The following IL1RAPL1 variants were observed in gnomAD, a reference collection of about 807,000 sequenced individuals.
The protein encoded by IL1RAPL1 is interleukin 1 receptor accessory protein like 1, also known as interleukin-1 receptor accessory protein-like 1.
A neutral mutation model predicts 48.4 loss-of-function variants in IL1RAPL1; 3 were observed. That is an observed-to-expected ratio of 0.06 (90% CI 0.03 to 0.16). The LOEUF (loss-of-function observed/expected upper bound fraction) is 0.16, where lower values mean the gene tolerates loss of function less well. Ranked by LOEUF, IL1RAPL1 falls within the 10% of genes least tolerant of loss-of-function variation. The pLI is 1.00. For missense variants in IL1RAPL1, 349 were observed against 530.6 expected (o/e 0.66, Z 3.36); for synonymous variants, 185 against 187.7 (o/e 0.99, Z 0.12).
chrX:29,682,178 T>C (rs1275414862), intron 6 of IL1RAPL1, among the ~76,000 whole-genome samples: 1 of 111,921 alleles, frequency 8.9e-6, no homozygotes, highest in East Asian at 2.8e-4. Flanking sequence ...GAGATATTTA[T>C]ATTGAGTAAA....
intron 2 of IL1RAPL1, among the ~76,000 whole-genome samples, chrX:29,081,576 A>C (rs749244867): frequency 1.2e-4 from 13 of 111,721 alleles, no homozygotes; most frequent in Non-Finnish European, 2.3e-4. Flanking sequence ...AGTACCAGTA[A>C]GGTTTTTCTT....
chrX:29,930,161 G>A (rs1002166097), intron 8 of IL1RAPL1, among the ~76,000 whole-genome samples: 1 of 112,037 alleles, frequency 8.9e-6, no homozygotes, highest in Non-Finnish European at 1.9e-5. Flanking sequence ...TTGACTCCAC[G>A]TTTTATGTGA....
At chrX:29,754,022 C>A (rs1426801999) in intron 6 of IL1RAPL1, among the ~76,000 whole-genome samples, 1 of 111,726 alleles carries the variant, frequency 9.0e-6, no homozygotes, top group Non-Finnish European at 1.9e-5. Context: ...GTCTCTTTGG[C>A]TGTTTCTCTG....
intron 6 of IL1RAPL1, among the ~76,000 whole-genome samples, chrX:29,801,338 C>A (rs911401813): frequency 2.7e-5 from 3 of 111,279 alleles, no homozygotes; most frequent in Non-Finnish European, 5.6e-5. Context: ...GTTTGGAGGG[C>A]ATGATTTTTA....
At chrX:29,610,089 A>G (rs551903217) in intron 5 of IL1RAPL1, among the ~76,000 whole-genome samples, 19 of 112,103 alleles carry the variant, frequency 1.7e-4, no homozygotes, top group Admixed American at 4.8e-4. Flanking sequence ...CTAGTGAGAG[A>G]GAGGTAATTC....
intron 2 of IL1RAPL1, among the ~76,000 whole-genome samples, chrX:28,818,896 G>A (rs1201429106): frequency 9.0e-6 from 1 of 110,689 alleles, no homozygotes; most frequent in South Asian, 3.7e-4. Flanking sequence ...TTACAGAACA[G>A]GTATTTGTGA....
intron 2 of IL1RAPL1, among the ~76,000 whole-genome samples, chrX:28,925,451 A>G (rs1923717336): frequency 9.0e-6 from 1 of 111,470 alleles, no homozygotes; most frequent in South Asian, 3.7e-4. Context: ...GTGGTGGGTG[A>G]GAGAGTGGAG....
intron 3 of IL1RAPL1, among the ~76,000 whole-genome samples, chrX:29,367,162 G>C (rs1407298152): frequency 1.8e-5 from 2 of 111,265 alleles, no homozygotes; most frequent in Non-Finnish European, 3.8e-5. Context: ...GCAATTCCCT[G>C]TTGTAATTTG....
chrX:29,727,640 A>G (rs1927808725), intron 6 of IL1RAPL1, among the ~76,000 whole-genome samples: 1 of 111,474 alleles, frequency 9.0e-6, no homozygotes, highest in Non-Finnish European at 1.9e-5. Flanking sequence ...ATTTCTTTTG[A>G]CTGACCATAC....
chrX:29,600,596 G>C lies in IL1RAPL1; in HGVS notation c.704-67834G>C, dbSNP rs1020463842. ...TGGAGACACGTGGTTAAGTATTCAGGTTTTTCAGGCGGTGGGCAGGGCCAT... is the reference window on the plus strand; with the variant it reads ...TGGAGACACGTGGTTAAGTATTCAGCTTTTTCAGGCGGTGGGCAGGGCCAT... On this transcript the variant is annotated intron_variant, in intron 5 of 10. Coordinates refer to ENST00000378993, the MANE Select transcript of IL1RAPL1 (RefSeq NM_014271.4). Among the ~76,000 whole-genome samples, 3 of 111,453 alleles carry C rather than the reference G, an allele frequency of 2.7e-5. No individual in the cohort carries two copies. In the Admixed American group the frequency reaches 2.9e-4, roughly 11 times the overall value.
At chrX:28,910,691 A>C (rs1923338498) in intron 2 of IL1RAPL1, among the ~76,000 whole-genome samples, 1 of 109,704 alleles carries the variant, frequency 9.1e-6, no homozygotes, top group African/African-American at 3.3e-5. Flanking sequence ...ACTAATATAG[A>C]TAATGGTTGC....
intron 6 of IL1RAPL1, among the ~76,000 whole-genome samples, chrX:29,897,374 G>A (rs998671553): frequency 8.0e-5 from 9 of 111,827 alleles, no homozygotes; most frequent in Non-Finnish European, 1.3e-4. Flanking sequence ...AAAATAAAAT[G>A]ATCTCTCAGA....
chrX:29,955,062 TC>T lies in IL1RAPL1; in HGVS notation c.1373-38del, dbSNP rs759022134. The T allele has an allele frequency of 5.4e-6, 6 of 1,106,389 alleles. No homozygotes were observed. In the South Asian group the frequency reaches 9.1e-5, roughly 17 times the overall value. 91.2% of individuals were successfully genotyped at this position (1,106,389 alleles called of 1,213,427 possible). On this transcript the variant is annotated intron_variant, in intron 10 of 10. Transcript: ENST00000378993. ...TACTAGGACTTTCTGGACCAAATTTTCCATTCACTCATTTTGATGCACTCTT... is the reference window on the plus strand; with the variant it reads ...TACTAGGACTTTCTGGACCAAATTTTCATTCACTCATTTTGATGCACTCTT...
chrX:28,833,765 A>G (rs1921133234), intron 2 of IL1RAPL1, among the ~76,000 whole-genome samples: 1 of 112,169 alleles, frequency 8.9e-6, no homozygotes, highest in African/African-American at 3.2e-5. Flanking sequence ...AGATGAATGG[A>G]CATAAAAAGC....
At chrX:28,786,238 G>A (rs895792309) in intron 1 of IL1RAPL1, among the ~76,000 whole-genome samples, 6 of 111,603 alleles carry the variant, frequency 5.4e-5, no homozygotes, top group African/African-American at 6.5e-5. Context: ...GCCAAGGCAG[G>A]CAGATCAGTT....
At chrX:28,739,456 A>G (rs919872007) in intron 1 of IL1RAPL1, among the ~76,000 whole-genome samples, 1 of 111,644 alleles carries the variant, frequency 9.0e-6, no homozygotes, top group Non-Finnish European at 1.9e-5. Flanking sequence ...TTTCCCAGGC[A>G]CTATTCCCAG....
At chrX:29,089,289 C>T (rs1311453963) in intron 2 of IL1RAPL1, among the ~76,000 whole-genome samples, 2 of 111,166 alleles carry the variant, frequency 1.8e-5, no homozygotes, top group Non-Finnish European at 3.8e-5. Context: ...TGGTGCACTA[C>T]ATGATGATTT....
chrX:28,712,753 A>T (rs1006493151), intron 1 of IL1RAPL1, among the ~76,000 whole-genome samples: 1 of 111,349 alleles, frequency 9.0e-6, no homozygotes, highest in Non-Finnish European at 1.9e-5. Context: ...AAGAACCCAA[A>T]CCAAGTGATA....
At chrX:29,209,728 C>G (rs929905109) in intron 2 of IL1RAPL1, among the ~76,000 whole-genome samples, 8 of 111,616 alleles carry the variant, frequency 7.2e-5, no homozygotes, top group Non-Finnish European at 1.9e-5. Flanking sequence ...TCTTATGGAC[C>G]TGCGTGAAAA....
Sources: gnomAD v4.1 joint callset for allele counts (sites outside exome capture counted in the v4.1 genomes callset) on GRCh38, gnomAD v4.1.1 for gene constraint, MANE v1.5 for transcripts, NCBI Gene and HGNC (gene_info 2026-07-23, HGNC 2026-07-21) for gene names.